The following PKIB variants were observed in gnomAD, a reference collection of about 807,000 sequenced individuals.
PKIB encodes PKI-beta.
A neutral mutation model predicts 4.5 loss-of-function variants in PKIB; 2 were observed. The ratio of observed to expected loss-of-function variants is 0.44; its 90% CI spans 0.18 to 1.39. The LOEUF (loss-of-function observed/expected upper bound fraction) is 1.39. PKIB is among the 40% of genes most tolerant of loss of function. The pLI, the probability that PKIB is intolerant of heterozygous loss-of-function variation, is 0.27. For synonymous variants in PKIB, 38 were observed against 36.0 expected, an observed-to-expected ratio of 1.06 and a Z score of -0.20; for missense variants, 94 against 92.6, an observed-to-expected ratio of 1.02 and a Z score of -0.06.
intron 3 of PKIB, among the ~76,000 whole-genome samples, chr6:122,709,116 T>G (rs976198418): frequency 1.3e-5 from 2 of 152,226 alleles, no homozygotes; most frequent in Non-Finnish European, 2.9e-5. Flanking sequence ...ATTTATAACA[T>G]TAGTTCATTT....
chr6:122,612,058 T>G (rs761361150), intron 1 of PKIB, among the ~76,000 whole-genome samples: 2 of 152,226 alleles, frequency 1.3e-5, no homozygotes, highest in African/African-American at 4.8e-5. Context: ...GACCACATTA[T>G]GCAGAATATT....
intron 2 of PKIB, among the ~76,000 whole-genome samples, chr6:122,533,606 T>G (rs1265476903): frequency 6.6e-6 from 1 of 152,238 alleles, no homozygotes; most frequent in African/African-American, 2.4e-5. Context: ...TGTACTGTTT[T>G]ATTTGTAGAA....
chr6:122,562,868 A>T (rs1317123111), intron 2 of PKIB, among the ~76,000 whole-genome samples: 1 of 151,608 alleles, frequency 6.6e-6, no homozygotes, highest in Non-Finnish European at 1.5e-5. Context: ...CACTTCTGGT[A>T]TCATTTTTTT....
chr6:122,500,015 A>G (rs1206832325), intron 2 of PKIB, among the ~76,000 whole-genome samples: 1 of 152,228 alleles, frequency 6.6e-6, no homozygotes, highest in African/African-American at 2.4e-5. Context: ...ATCTACAAGG[A>G]AAACTATGAA....
intron 1 of PKIB, among the ~76,000 whole-genome samples, chr6:122,619,844 C>A (rs1018546165): frequency 2.6e-5 from 4 of 152,086 alleles, no homozygotes; most frequent in African/African-American, 9.7e-5. Flanking sequence ...GACCCAATGT[C>A]TCCTTTGTAT....
At chr6:122,507,409 T>C (rs1776442596) in intron 2 of PKIB, among the ~76,000 whole-genome samples, 1 of 152,196 alleles carries the variant, frequency 6.6e-6, no homozygotes, top group South Asian at 2.1e-4. Context: ...ATCTAATAGG[T>C]ATAATTTTGG....
intron 2 of PKIB, among the ~76,000 whole-genome samples, chr6:122,535,021 C>G (rs1446381142): frequency 6.6e-6 from 1 of 152,074 alleles, no homozygotes; most frequent in Non-Finnish European, 1.5e-5. Context: ...CAGTTCTGCT[C>G]TTAGTGAAAA....
At chr6:122,662,306 TCC>T (rs1279648997) in intron 2 of PKIB, among the ~76,000 whole-genome samples, 29 of 129,116 alleles carry the variant, frequency 2.2e-4, no homozygotes, top group African/African-American at 8.1e-4. Flanking sequence ...TTTCCTTGTC[TCC>T]TTTTTTTTTT....
chr6:122,682,400 A>T (rs768157042), intron 3 of PKIB, among the ~76,000 whole-genome samples: 9 of 152,132 alleles, frequency 5.9e-5, no homozygotes, highest in Non-Finnish European at 1.2e-4. Flanking sequence ...CTGTCACATT[A>T]ATGCTACCAT....
rs137977335 is a variant in PKIB, at chr6:122,555,973, C to T, written c.-247-29948C>T. On this transcript the variant is annotated intron_variant, in intron 2 of 6. Transcript: ENST00000392491. ...GTGGTTTGGGGCATTTAGATCTATG[C>T]TTTTAAAGAAGAAGGATGATATGGT... Among the ~76,000 whole-genome samples, 1,411 of 152,254 alleles carry T rather than the reference C, an allele frequency of 9.3e-3. 12 individuals are homozygous for T. The highest frequency in any genetic ancestry group is 0.014 in the Non-Finnish European group (968 of 68,014).
intron 2 of PKIB, among the ~76,000 whole-genome samples, chr6:122,576,689 A>AAATATATATAT (rs1345822382): frequency 4.7e-4 from 16 of 34,312 alleles, no homozygotes; most frequent in East Asian, 1.1e-3. Context: ...AAAAAAAAAA[A>AAATATATATAT]ATATATATAT....
At chr6:122,657,922 G>A (rs867210508) in intron 2 of PKIB, among the ~76,000 whole-genome samples, 64 of 152,290 alleles carry the variant, frequency 4.2e-4, no homozygotes, top group Admixed American at 2.0e-3. Flanking sequence ...GATATGTGTG[G>A]TGTGTACGCT....
chr6:122,514,927 T>C lies in PKIB; in HGVS notation c.-248+36988T>C, dbSNP rs762520561. Reference sequence around the variant, plus strand: ...AGTGAAGTTATATTTAGGCTTTGAGTGACATTCATTCTATGCTTCTGTGCC... The same window carrying C: ...AGTGAAGTTATATTTAGGCTTTGAGCGACATTCATTCTATGCTTCTGTGCC... On this transcript the variant is annotated intron_variant, in intron 2 of 6. Transcript: ENST00000392491. Among the ~76,000 whole-genome samples, 41 of 152,230 alleles carry C rather than the reference T, an allele frequency of 2.7e-4. 1 individual carries two copies. The highest frequency in any genetic ancestry group is 5.0e-4 in the Non-Finnish European group (34 of 68,042).
In PKIB at chr6:122,725,257, T is replaced by C. The variant is rs1332668595; in HGVS notation, c.*62T>C. On this transcript the variant is annotated 3_prime_UTR_variant, in exon 5 of 5. Transcript: ENST00000368452. ...TGTTGAAAGACTTAGTGGTTCTGTTTTCTTGAGACATTTAATCTGGTGGTA... is the reference window on the plus strand; with the variant it reads ...TGTTGAAAGACTTAGTGGTTCTGTTCTCTTGAGACATTTAATCTGGTGGTA... 7.3e-7 allele frequency: 1 copy of C among 1,361,018 alleles called. No individual in the cohort carries two copies. Among genetic ancestry groups the C allele is most frequent in the East Asian group, 2.3e-5 (1 of 43,136 alleles). The allele number at this position is 1,361,018 out of a possible 1,614,324, so 84.3% of individuals were successfully genotyped here.
At chr6:122,645,191 T>C (rs1459244158) in intron 2 of PKIB, among the ~76,000 whole-genome samples, 2 of 152,250 alleles carry the variant, frequency 1.3e-5, no homozygotes, top group African/African-American at 4.8e-5. Context: ...CATAACTCTT[T>C]CTTAAATAAT....
chr6:122,667,335 A>T (rs1007117118), intron 2 of PKIB, among the ~76,000 whole-genome samples: 2 of 152,158 alleles, frequency 1.3e-5, no homozygotes, highest in Non-Finnish European at 2.9e-5. Flanking sequence ...GAGGAGATCG[A>T]GACCATCCTG....
chr6:122,473,782 C>T (rs1335989873), intron 1 of PKIB, among the ~76,000 whole-genome samples: 1 of 152,182 alleles, frequency 6.6e-6, no homozygotes, highest in African/African-American at 2.4e-5. Flanking sequence ...TCCTGTAGCA[C>T]ACGTATAACT....
chr6:122,655,645 G>T (rs1776746892), intron 2 of PKIB, among the ~76,000 whole-genome samples: 1 of 152,094 alleles, frequency 6.6e-6, no homozygotes. Flanking sequence ...CTTCATGGAG[G>T]TAACAGTCTA....
intron 2 of PKIB, among the ~76,000 whole-genome samples, chr6:122,565,196 A>G (rs1479971363): frequency 6.6e-6 from 1 of 152,194 alleles, no homozygotes; most frequent in South Asian, 2.1e-4. Flanking sequence ...AATTGGAGTT[A>G]CTGTCATTTT....
Sources: allele counts gnomAD v4.1 joint callset (sites outside exome capture counted in the v4.1 genomes callset), GRCh38; gene constraint gnomAD v4.1.1; transcripts MANE v1.5; gene names NCBI Gene and HGNC (gene_info 2026-07-23, HGNC 2026-07-21).